The following SND1 variants were observed in gnomAD, a reference collection of about 807,000 sequenced individuals.
The protein encoded by SND1 is staphylococcal nuclease and tudor domain containing 1, also known as staphylococcal nuclease domain-containing protein 1.
A neutral mutation model predicts 121.7 loss-of-function variants in SND1; 38 were observed. The ratio of observed to expected loss-of-function variants is 0.31; its 90% CI spans 0.24 to 0.41. The LOEUF is 0.41. Ranked by LOEUF, SND1 falls within the 10% of genes least tolerant of loss-of-function variation. SND1 has a pLI of 1.00. For synonymous variants in SND1, 401 were observed against 447.4 expected (o/e 0.90, Z 1.31); for missense variants, 868 against 1,184.6 (o/e 0.73, Z 3.92).
intron 11 of SND1, among the ~76,000 whole-genome samples, chr7:127,809,113 CT>C (rs1165643919): frequency 1.3e-5 from 2 of 152,178 alleles, no homozygotes; most frequent in Non-Finnish European, 2.9e-5. Context: ...GACCAAGGTT[CT>C]GCTCTCAAGA....
intron 10 of SND1, among the ~76,000 whole-genome samples, chr7:127,801,771 G>C (rs1395510893): frequency 2.6e-5 from 4 of 152,170 alleles, no homozygotes; most frequent in Non-Finnish European, 5.9e-5. Context: ...TGAAAGGACT[G>C]TATATACACT....
intron 12 of SND1, among the ~76,000 whole-genome samples, chr7:127,847,236 C>T (rs1799082305): frequency 2.0e-5 from 3 of 152,190 alleles, no homozygotes; most frequent in South Asian, 2.1e-4. Context: ...CATGCCACTG[C>T]ACTCCAGCCT....
At chr7:128,083,485 C>G (rs1252769967) in intron 18 of SND1, among the ~76,000 whole-genome samples, 2 of 152,200 alleles carry the variant, frequency 1.3e-5, no homozygotes, top group Non-Finnish European at 2.9e-5. Context: ...TCTGCAGCAG[C>G]TTAAGAGTGG....
intron 14 of SND1, among the ~76,000 whole-genome samples, chr7:127,915,235 A>G (rs1800549877): frequency 6.6e-6 from 1 of 152,080 alleles, no homozygotes; most frequent in South Asian, 2.1e-4. Flanking sequence ...GATGATCTCG[A>G]ACTCCTGGGC....
At chr7:127,901,020 A>T (rs1800221511) in intron 13 of SND1, among the ~76,000 whole-genome samples, 1 of 152,184 alleles carries the variant, frequency 6.6e-6, no homozygotes, top group Non-Finnish European at 1.5e-5. Context: ...AGGGATGCAG[A>T]CTTGTGGCTG....
rs761307437 is a variant in SND1, at chr7:127,698,926, C to T, written c.401C>T (p.Thr134Ile). Residue 134 changes from threonine to isoleucine, a missense_variant, in exon 4 of 24, where the codon ACC (threonine) becomes ATC (isoleucine). By Grantham distance (89) the Thr-to-Ile change is moderately conservative. Around this residue, in one of 2 missense-constraint regions of SND1, gnomAD observed 743 missense variants for 1,071.3 expected, o/e 0.69. Coordinates refer to ENST00000354725, the MANE Select transcript of SND1 (RefSeq NM_014390.4). ...AESLVAEGLA[T>I]RREGMRANNP... ...TCACTGGTTGCAGAGGGCTTAGCCA[C>T]CCGGAGAGAAGGCATGAGAGCTAAT... The T allele has an allele frequency of 6.2e-7, 1 of 1,613,530 alleles. No homozygotes were observed. Among genetic ancestry groups the T allele is most frequent in the Non-Finnish European group, 8.5e-7 (1 of 1,179,650 alleles).
At chr7:128,024,165 A>G (rs1286897588) in intron 16 of SND1, among the ~76,000 whole-genome samples, 1 of 151,986 alleles carries the variant, frequency 6.6e-6, no homozygotes, top group African/African-American at 2.4e-5. Context: ...CAAAGATGAA[A>G]ACAACTTATC....
chr7:127,725,889 C>G (rs1796573833), intron 10 of SND1, among the ~76,000 whole-genome samples: 1 of 152,160 alleles, frequency 6.6e-6, no homozygotes. Flanking sequence ...TGCTAGCTCC[C>G]AGATGAGGAC....
rs544489911 is a variant in SND1 at position 127,954,740 on chromosome 7, G to A, written c.1669+25411G>A. Among the ~76,000 whole-genome samples the A allele has an allele frequency of 2.0e-5, 3 of 152,268 alleles. No individual in the cohort carries two copies. In the South Asian group the frequency reaches 6.2e-4, roughly 32 times the overall value. On this transcript the variant is annotated intron_variant, in intron 15 of 23. Coordinates refer to ENST00000354725, the MANE Select transcript of SND1 (RefSeq NM_014390.4). ...GAGAGCTTCATTGATTTGGGAAGATGAGCCAGTTGCTTGTTTAGGAGCAGA... is the reference window on the plus strand; with the variant it reads ...GAGAGCTTCATTGATTTGGGAAGATAAGCCAGTTGCTTGTTTAGGAGCAGA...
At chr7:127,770,279 A>G (rs1438399182) in intron 10 of SND1, among the ~76,000 whole-genome samples, 3 of 152,236 alleles carry the variant, frequency 2.0e-5, no homozygotes, top group Admixed American at 2.0e-4. Flanking sequence ...TGGCTGAGTC[A>G]GGGTGAAATA....
intron 12 of SND1, among the ~76,000 whole-genome samples, chr7:127,845,788 C>CT (rs1799049220): frequency 6.6e-6 from 1 of 152,130 alleles, no homozygotes; most frequent in South Asian, 2.1e-4. Context: ...ATTTAACATT[C>CT]TATTAGAATG....
chr7:127,844,313 T>C lies in SND1; in HGVS notation c.1243-11T>C. The C allele has an allele frequency of 6.2e-7, 1 of 1,611,412 alleles. No homozygotes were observed. The highest frequency in any genetic ancestry group is 8.5e-7 in the Non-Finnish European group (1 of 1,178,286). On this transcript the variant is annotated splice_polypyrimidine_tract_variant and intron_variant, in intron 11 of 23. Coordinates refer to ENST00000354725, the MANE Select transcript of SND1 (RefSeq NM_014390.4). ...CTCTCAACCCTAATTCCCTTGATTC[T>C]TTGTTTCCAGGTCAATGTGACGGTG...
intron 10 of SND1, among the ~76,000 whole-genome samples, chr7:127,769,605 T>C (rs1409633903): frequency 6.6e-6 from 1 of 152,166 alleles, no homozygotes; most frequent in Non-Finnish European, 1.5e-5. Flanking sequence ...GTTTATTCCA[T>C]GTATCTTGTT....
chr7:127,983,740 A>G (rs1802321002), intron 15 of SND1, among the ~76,000 whole-genome samples: 1 of 152,198 alleles, frequency 6.6e-6, no homozygotes, highest in African/African-American at 2.4e-5. Flanking sequence ...CTAAATATAT[A>G]AAATGAAATC....
rs1798347900 is a variant in SND1, at chr7:127,812,273, C to T, written c.1242+4700C>T. On this transcript the variant is annotated intron_variant, in intron 11 of 23. Transcript: ENST00000354725. ...CATGCTGCAAGAAAGTAGATTTCTT[C>T]AGGTAGTCTGTGGCTATCAGGAGGT... is the stretch of plus-strand genomic sequence containing the variant. 2.6e-5 allele frequency among the ~76,000 whole-genome samples: 4 copies of T among 152,138 alleles called. 1 individual carries two copies. In the South Asian group the frequency reaches 8.3e-4, roughly 32 times the overall value.
intron 16 of SND1, among the ~76,000 whole-genome samples, chr7:128,016,494 G>C (rs1190181043): frequency 6.6e-6 from 1 of 152,184 alleles, no homozygotes; most frequent in Non-Finnish European, 1.5e-5. Flanking sequence ...CGTTTGGTGA[G>C]CTCTCATGCT....
chr7:127,772,204 T>A (rs567411832), intron 10 of SND1, among the ~76,000 whole-genome samples: 25 of 152,334 alleles, frequency 1.6e-4, no homozygotes, highest in Middle Eastern at 6.8e-3. Flanking sequence ...CCTTGAATCT[T>A]ACAGGCTTAG....
chr7:127,755,561 C>A (rs373191706), intron 10 of SND1, among the ~76,000 whole-genome samples: 15 of 152,324 alleles, frequency 9.8e-5, no homozygotes, highest in African/African-American at 3.6e-4. Context: ...TGCTGGGCAG[C>A]CATAGGTGCT....
intron 15 of SND1, among the ~76,000 whole-genome samples, chr7:127,986,257 T>A (rs1802387763): frequency 6.6e-6 from 1 of 152,256 alleles, no homozygotes; most frequent in Admixed American, 6.5e-5. Flanking sequence ...AGTATTTGTG[T>A]TAATTGACCT....
Sources: allele counts gnomAD v4.1 joint callset (sites outside exome capture counted in the v4.1 genomes callset), GRCh38; gene constraint gnomAD v4.1.1; regional missense constraint gnomAD v4.1.1; transcripts MANE v1.5; gene names NCBI Gene and HGNC (gene_info 2026-07-23, HGNC 2026-07-21).